PTPRK: variants seen among roughly 807,000 people sequenced by gnomAD.
PTPRK encodes receptor-type tyrosine-protein phosphatase kappa.
In PTPRK, 75 loss-of-function variants were observed where a neutral mutation model predicts 178.0. The observed-to-expected ratio is 0.42, with a 90% CI of 0.35 to 0.51. The LOEUF is 0.51. Ranked by LOEUF, PTPRK falls within the 20% of genes least tolerant of loss-of-function variation. The pLI, the probability that PTPRK is intolerant of heterozygous loss-of-function variation, is 0.02. For synonymous variants in PTPRK, 637 were observed against 620.6 expected, an observed-to-expected ratio of 1.03 and a Z score of -0.39; for missense variants, 1,441 against 1,797.8, an observed-to-expected ratio of 0.80 and a Z score of 3.59.
intron 3 of PTPRK, among the ~76,000 whole-genome samples, chr6:128,297,230 C>A (rs1824617103): frequency 6.6e-6 from 1 of 151,972 alleles, no homozygotes; most frequent in Non-Finnish European, 1.5e-5. Context: ...TAAAGCAAGT[C>A]CTGAGTGACC....
intron 13 of PTPRK, among the ~76,000 whole-genome samples, chr6:128,045,854 GAATA>G (rs1206859914): frequency 6.6e-6 from 1 of 151,982 alleles, no homozygotes; most frequent in Non-Finnish European, 1.5e-5. Context: ...AGAAATTTCT[GAATA>G]ATTAACAATT....
Position 128,470,807 on chromosome 6 carries a change from T to C in PTPRK, c.100+49452A>G, listed in dbSNP as rs1319726517. The stretch of plus-strand genomic sequence containing the variant: ...AGCCTTTCCTGCAAACTATTACAAG[T>C]CTGGGCTATACAGCTTAACATCCAC... On this transcript the variant is annotated intron_variant, in intron 1 of 29. Coordinates refer to ENST00000368226, the MANE Select transcript of PTPRK (RefSeq NM_002844.4). Among the ~76,000 whole-genome samples the C allele has an allele frequency of 3.4e-5, 5 of 147,492 alleles. No individual in the cohort carries two copies. In the East Asian group the frequency reaches 5.9e-4, roughly 18 times the overall value.
At chr6:128,137,010 A>G (rs367977353) in intron 7 of PTPRK, among the ~76,000 whole-genome samples, 52 of 152,256 alleles carry the variant, frequency 3.4e-4, no homozygotes, top group Middle Eastern at 3.4e-3. Context: ...CTGCTGCATA[A>G]ACCACTACCC....
At chr6:127,993,118 G>A (rs1583549505) in intron 18 of PTPRK, among the ~76,000 whole-genome samples, 1 of 151,592 alleles carries the variant, frequency 6.6e-6, no homozygotes, top group East Asian at 1.9e-4. Flanking sequence ...GGACATATTA[G>A]AACCATAAAA....
At chr6:128,445,200 T>TA (rs1846793408) in intron 1 of PTPRK, among the ~76,000 whole-genome samples, 3 of 132,430 alleles carry the variant, frequency 2.3e-5, no homozygotes, top group Non-Finnish European at 4.7e-5. Flanking sequence ...ACTATTTTAT[T>TA]TATATATATA....
chr6:128,140,313 T>C (rs1381624194), intron 7 of PTPRK, among the ~76,000 whole-genome samples: 3 of 152,186 alleles, frequency 2.0e-5, no homozygotes, highest in Middle Eastern at 3.4e-3. Flanking sequence ...CAAGTGGCCT[T>C]TGAAAATTAA....
At chr6:128,131,953 A>G (rs1794310903) in intron 7 of PTPRK, among the ~76,000 whole-genome samples, 1 of 152,168 alleles carries the variant, frequency 6.6e-6, no homozygotes, top group Non-Finnish European at 1.5e-5. Context: ...AACTATTTAA[A>G]CAAATTAGTC....
At chr6:127,995,319 G>T in intron 18 of PTPRK, 143 bp downstream of exon 18, 1 of 1,589,572 alleles carries the variant, frequency 6.3e-7, no homozygotes, top group Non-Finnish European at 8.6e-7. Flanking sequence ...ATGTCAGTAA[G>T]TACTAGGACG....
chr6:128,161,207 C>G (rs147322507), intron 7 of PTPRK, among the ~76,000 whole-genome samples: 1 of 151,644 alleles, frequency 6.6e-6, no homozygotes, highest in African/African-American at 2.4e-5. Flanking sequence ...AAATAACAAA[C>G]GATAACTGCA....
At chr6:128,247,429 C>T (rs1815668168) in intron 3 of PTPRK, among the ~76,000 whole-genome samples, 1 of 152,094 alleles carries the variant, frequency 6.6e-6, no homozygotes, top group African/African-American at 2.4e-5. Flanking sequence ...AAACAATTCT[C>T]GTGCTTCAGC....
intron 1 of PTPRK, among the ~76,000 whole-genome samples, chr6:128,479,947 T>C (rs1217628600): frequency 2.0e-5 from 3 of 152,102 alleles, no homozygotes; most frequent in Non-Finnish European, 2.9e-5. Flanking sequence ...ACTTACTATA[T>C]CTCATAACCA....
At chr6:128,117,854 T>C (rs1218370125) in intron 7 of PTPRK, among the ~76,000 whole-genome samples, 1 of 152,096 alleles carries the variant, frequency 6.6e-6, no homozygotes, top group African/African-American at 2.4e-5. Context: ...GGTTTTACCA[T>C]GTTGGCCAGA....
intron 2 of PTPRK, among the ~76,000 whole-genome samples, chr6:128,374,625 T>G (rs192994927): frequency 1.3e-5 from 2 of 152,084 alleles, no homozygotes; most frequent in African/African-American, 4.8e-5. Flanking sequence ...TTAATAACCA[T>G]CTCTGATTAT....
intron 1 of PTPRK, among the ~76,000 whole-genome samples, chr6:128,471,828 A>C (rs953800051): frequency 3.9e-5 from 6 of 152,142 alleles, no homozygotes; most frequent in African/African-American, 1.4e-4. Flanking sequence ...AATGAGTTGA[A>C]TATCGTCATG....
chr6:128,111,176 C>A (rs1223617933), intron 7 of PTPRK, among the ~76,000 whole-genome samples: 1 of 152,140 alleles, frequency 6.6e-6, no homozygotes, highest in African/African-American at 2.4e-5. Flanking sequence ...TGAATGCAAC[C>A]AAAGACCATG....
chr6:128,397,816 T>C (rs953145766), intron 1 of PTPRK, 128 bp from the exon 2 acceptor site: 6 of 858,970 alleles, frequency 7.0e-6, no homozygotes, highest in Middle Eastern at 6.9e-4. Context: ...ATGGTACTCC[T>C]GTTTATCACT....
At chr6:128,210,195 C>T (rs185605627) in intron 6 of PTPRK, among the ~76,000 whole-genome samples, 1 of 152,052 alleles carries the variant, frequency 6.6e-6, no homozygotes, top group Non-Finnish European at 1.5e-5. Flanking sequence ...ATATGAATAA[C>T]GGAATCTATT....
chr6:128,307,285 TAAGG>T (rs1036004917), intron 3 of PTPRK, among the ~76,000 whole-genome samples: 3 of 149,844 alleles, frequency 2.0e-5, no homozygotes, highest in African/African-American at 7.4e-5. Flanking sequence ...AATCCAGCAC[TAAGG>T]AAGAGTATCA....
At chr6:128,309,966 T>C (rs1826993637) in intron 3 of PTPRK, among the ~76,000 whole-genome samples, 1 of 152,020 alleles carries the variant, frequency 6.6e-6, no homozygotes. Context: ...TCTCGGTGCC[T>C]ACAAAAAAAA....
Sources: allele counts gnomAD v4.1 joint callset (sites outside exome capture counted in the v4.1 genomes callset), GRCh38; gene constraint gnomAD v4.1.1; transcripts MANE v1.5; gene names NCBI Gene and HGNC (gene_info 2026-07-23, HGNC 2026-07-21).